The following SOD2 variants were observed in gnomAD, a reference collection of about 807,000 sequenced individuals.
The protein encoded by SOD2 is superoxide dismutase 2.
In SOD2, 11 loss-of-function variants were observed where a neutral mutation model predicts 27.0. That is an observed-to-expected ratio of 0.41 (90% CI 0.26 to 0.67). The LOEUF is 0.67. Ranked by LOEUF, SOD2 falls within the 30% of genes least tolerant of loss-of-function variation. SOD2 has a pLI of 0.34. For missense variants in SOD2, 250 were observed against 274.5 expected, an observed-to-expected ratio of 0.91 and a Z score of 0.63; for synonymous variants, 105 against 103.0, an observed-to-expected ratio of 1.02 and a Z score of -0.12.
upstream of SOD2, among the ~76,000 whole-genome samples, chr6:159,728,682 A>G (rs2114859771): frequency 6.6e-6 from 1 of 152,390 alleles, no homozygotes; most frequent in African/African-American, 2.4e-5. Context: ...AATCTTTTCA[A>G]GATGGATACA....
chr6:159,723,660 C>T (rs1410680747), intron 1 of SOD2, among the ~76,000 whole-genome samples: 1 of 152,194 alleles, frequency 6.6e-6, no homozygotes, highest in Non-Finnish European at 1.5e-5. Flanking sequence ...TCTGAAAGTC[C>T]AGCATCCAGA....
At position 159,685,014 on chromosome 6, in the gene SOD2, G is replaced by A. The variant is rs930315925; in HGVS notation, c.363C>T (p.Ile121=). ...TGTCAAAGGAACCAAAGTCACGTTT[G>A]ATGGCTTCCAGCAACTCCCCTATTA... ...GEPKGELLEA[I]KRDFGSFDKF... Residue 121 remains isoleucine (I), a synonymous_variant, in exon 4 of 5, where the codon ATC becomes ATT. Coordinates refer to ENST00000538183, the MANE Select transcript of SOD2 (RefSeq NM_000636.4). 6.2e-7 allele frequency: 1 copy of A among 1,604,214 alleles called. No homozygotes were observed. The highest frequency in any genetic ancestry group is 1.1e-5 in the South Asian group (1 of 88,914).
chr6:159,707,973 C>T (rs989327918), intron 1 of SOD2, among the ~76,000 whole-genome samples: 128 of 151,916 alleles, frequency 8.4e-4, no homozygotes, highest in African/African-American at 3.0e-3. Context: ...CATACGCAAA[C>T]CAATAAATGT....
intron 1 of SOD2, among the ~76,000 whole-genome samples, chr6:159,710,421 C>A (rs1171542295): frequency 6.6e-6 from 1 of 151,878 alleles, no homozygotes; most frequent in Non-Finnish European, 1.5e-5. Flanking sequence ...TGCACTCCAA[C>A]CTGGCGACAG....
intron 1 of SOD2, among the ~76,000 whole-genome samples, chr6:159,718,307 A>G (rs1226330770): frequency 6.6e-6 from 1 of 152,170 alleles, no homozygotes; most frequent in Non-Finnish European, 1.5e-5. Context: ...CATATATACC[A>G]CATTTTCCTT....
chr6:159,734,966 C>T (rs893795734), intron 1 of SOD2, among the ~76,000 whole-genome samples: 9 of 151,822 alleles, frequency 5.9e-5, no homozygotes, highest in African/African-American at 2.2e-4. Context: ...AGCATTCGTT[C>T]TAAAAAACAG....
chr6:159,701,569 C>CAA (rs752905908), intron 1 of SOD2, among the ~76,000 whole-genome samples: 26 of 78,018 alleles, frequency 3.3e-4, no homozygotes, highest in African/African-American at 6.0e-4. Context: ...GACCCTGTTT[C>CAA]AAAAAAAAAA....
Position 159,681,342 on chromosome 6 carries a change from T to G in SOD2, c.*1151A>C, listed in dbSNP as rs905338925. 2 of 152,032 alleles carry G rather than the reference T, an allele frequency of 1.3e-5. No individual in the cohort carries two copies. Among genetic ancestry groups the G allele is most frequent in the African/African-American group, 4.8e-5 (2 of 41,352 alleles). 9.4% of individuals were successfully genotyped at this position (152,032 alleles called of 1,614,324 possible). A position where few individuals can be genotyped will look rare whatever the true frequency, so the allele number is the denominator to read the frequency against. On this transcript the variant is annotated 3_prime_UTR_variant, in exon 5 of 5. Coordinates refer to ENST00000538183, the MANE Select transcript of SOD2 (RefSeq NM_000636.4). Reference sequence around the variant, plus strand: ...AAGTTAGAGTCACCTAGAGACATCCTTAACACGTGCCCCTGAGCTACTTTT... The same window carrying G: ...AAGTTAGAGTCACCTAGAGACATCCGTAACACGTGCCCCTGAGCTACTTTT...
At position 159,675,575 on chromosome 6, in the gene SOD2, T is replaced by C. The variant is rs1171275536; in HGVS notation, c.*6918A>G. On this transcript the variant is annotated 3_prime_UTR_variant, in exon 5 of 5. Coordinates refer to ENST00000538183, the MANE Select transcript of SOD2 (RefSeq NM_000636.4). The stretch of plus-strand genomic sequence containing the variant: ...GAAAGCTGAAACTGGATCCCTTCCT[T>C]ACACCTTATACAAAAATTAATTCAA... 6.6e-6 allele frequency: 1 copy of C among 152,180 alleles called. No homozygotes were observed. 9.4% of individuals were successfully genotyped at this position (152,180 alleles called of 1,614,324 possible).
At chr6:159,759,896 G>A (rs986149474) in intron 1 of SOD2, among the ~76,000 whole-genome samples, 2 of 152,212 alleles carry the variant, frequency 1.3e-5, no homozygotes, top group African/African-American at 4.8e-5. Flanking sequence ...GGCTCCAGAA[G>A]AATATATTCA....
At chr6:159,727,675 T>C, upstream of SOD2, 6 of 984,198 alleles carry the variant, frequency 6.1e-6, no homozygotes, top group Non-Finnish European at 7.2e-6. Context: ...ATGCGACCGG[T>C]GGCGCCGGCG....
At chr6:159,718,275 G>A (rs574236956) in intron 1 of SOD2, among the ~76,000 whole-genome samples, 10 of 152,196 alleles carry the variant, frequency 6.6e-5, no homozygotes, top group Admixed American at 5.2e-4. Flanking sequence ...TGGGATTACA[G>A]GTATAAGCCA....
At chr6:159,709,569 A>G (rs1777691133) in intron 1 of SOD2, among the ~76,000 whole-genome samples, 2 of 152,228 alleles carry the variant, frequency 1.3e-5, no homozygotes, top group African/African-American at 4.8e-5. Flanking sequence ...ACAATGAGAT[A>G]TCATCTCACA....
rs529106844 is a variant in SOD2, at chr6:159,671,683, G to A, written c.*10810C>T. On this transcript the variant is annotated 3_prime_UTR_variant, in exon 5 of 5. Transcript: ENST00000538183. ...AGCTGAAAATTCTAAAAATCAGAGC[G>A]CCTCTCCCCCTCCAAAGGAACATAG... 25 of 152,284 alleles carry A rather than the reference G, an allele frequency of 1.6e-4. No individual in the cohort carries two copies. Among genetic ancestry groups the A allele is most frequent in the East Asian group, 3.9e-4 (2 of 5,194 alleles). 9.4% of individuals were successfully genotyped at this position (152,284 alleles called of 1,614,324 possible).
chr6:159,695,894 T>C (rs1439674529), upstream of SOD2, among the ~76,000 whole-genome samples: 1 of 152,176 alleles, frequency 6.6e-6, no homozygotes, highest in Non-Finnish European at 1.5e-5. Flanking sequence ...TCCAGCCAGC[T>C]CAGGATGTCC....
intron 3 of SOD2, among the ~76,000 whole-genome samples, chr6:159,686,703 G>A (rs1458445696): frequency 6.6e-6 from 1 of 152,092 alleles, no homozygotes; most frequent in East Asian, 1.9e-4. Flanking sequence ...AGTTTCCCAA[G>A]CTTACTCTCC....
upstream of SOD2, among the ~76,000 whole-genome samples, chr6:159,727,984 C>G (rs1230224205): frequency 2.6e-5 from 4 of 152,372 alleles, no homozygotes; most frequent in East Asian, 7.7e-4. Flanking sequence ...CCGGAGGATG[C>G]CCTCCCCGGG....
upstream of SOD2, among the ~76,000 whole-genome samples, chr6:159,747,490 T>A (rs1348444464): frequency 6.6e-6 from 1 of 152,180 alleles, no homozygotes; most frequent in African/African-American, 2.4e-5. Context: ...AAAATATGAA[T>A]TATACTTTAT....
intron 1 of SOD2, among the ~76,000 whole-genome samples, chr6:159,751,617 GT>G (rs200047143): frequency 0.014 from 2,097 of 152,322 alleles, 50 homozygotes; most frequent in African/African-American, 0.047. Context: ...AGCTAATAAA[GT>G]TATCATATCA....
Sources: gnomAD v4.1 joint callset for allele counts (sites outside exome capture counted in the v4.1 genomes callset) on GRCh38, gnomAD v4.1.1 for gene constraint, MANE v1.5 for transcripts, NCBI Gene and HGNC (gene_info 2026-07-23, HGNC 2026-07-21) for gene names.